RORA: variants seen among roughly 807,000 people sequenced by gnomAD.
RORA encodes RAR related orphan receptor A.
Under a neutral mutation model 69.5 loss-of-function variants are expected in RORA, and 7 were observed. The ratio of observed to expected loss-of-function variants is 0.10; its 90% CI spans 0.06 to 0.19. RORA has a LOEUF of 0.19. Among genes scored for constraint, RORA ranks in the 10% least tolerant of loss-of-function variants. RORA has a pLI of 1.00. For synonymous variants in RORA, 261 were observed against 240.8 expected, an observed-to-expected ratio of 1.08 and a Z score of -0.78; for missense variants, 457 against 663.0, an observed-to-expected ratio of 0.69 and a Z score of 3.41.
At position 60,756,448 on chromosome 15, in the gene RORA, C is replaced by A. The variant is rs1173919267; in HGVS notation, c.167-77762G>T. Among the ~76,000 whole-genome samples the A allele has an allele frequency of 2.0e-5, 3 of 152,166 alleles. No individual in the cohort carries two copies. The East Asian group carries it at 5.8e-4, about 29-fold the overall frequency. On this transcript the variant is annotated intron_variant, in intron 1 of 10. Coordinates refer to ENST00000335670, the MANE Select transcript of RORA (RefSeq NM_134261.3). ...ATTTGAAAAGTTTATAAAGACTGTG[C>A]ATCTGATGATAACTTTATAAATATA...
chr15:61,180,839 CT>C (rs2079678095), intron 1 of RORA, among the ~76,000 whole-genome samples: 1 of 152,120 alleles, frequency 6.6e-6, no homozygotes, highest in Non-Finnish European at 1.5e-5. Flanking sequence ...TGGCTCACAC[CT>C]GTAATCCCAG....
At chr15:60,891,487 A>T (rs912545809) in intron 1 of RORA, among the ~76,000 whole-genome samples, 19 of 152,178 alleles carry the variant, frequency 1.2e-4, no homozygotes, top group Admixed American at 3.3e-4. Context: ...CAGACATGAG[A>T]GGAACAATAT....
At chr15:60,660,605 A>C (rs1164116636) in intron 2 of RORA, among the ~76,000 whole-genome samples, 1 of 152,204 alleles carries the variant, frequency 6.6e-6, no homozygotes, top group Non-Finnish European at 1.5e-5. Context: ...TCAAACTGTC[A>C]ACTCCGACTT....
At chr15:60,539,515 C>T (rs766205470) in intron 2 of RORA, among the ~76,000 whole-genome samples, 68 of 152,208 alleles carry the variant, frequency 4.5e-4, no homozygotes, top group Non-Finnish European at 7.9e-4. Context: ...ATTCTCCTAT[C>T]ACATAGTAGT....
intron 2 of RORA, among the ~76,000 whole-genome samples, chr15:60,664,808 C>T (rs1307737934): frequency 6.6e-6 from 1 of 152,202 alleles, no homozygotes; most frequent in Non-Finnish European, 1.5e-5. Flanking sequence ...ACATCTCATC[C>T]TCTCATTTAT....
intron 2 of RORA, among the ~76,000 whole-genome samples, chr15:60,585,303 A>G (rs1197831853): frequency 6.6e-6 from 1 of 152,248 alleles, no homozygotes; most frequent in African/African-American, 2.4e-5. Context: ...ATCCTAAAAA[A>G]TATGCAAATG....
intron 1 of RORA, among the ~76,000 whole-genome samples, chr15:60,852,566 T>C (rs1419748050): frequency 6.6e-6 from 1 of 152,092 alleles, no homozygotes; most frequent in African/African-American, 2.4e-5. Flanking sequence ...CTTTGACAAG[T>C]AGTGAAAAAA....
intron 1 of RORA, among the ~76,000 whole-genome samples, chr15:60,899,545 C>T (rs1332366480): frequency 6.6e-6 from 1 of 152,216 alleles, no homozygotes; most frequent in Admixed American, 6.5e-5. Flanking sequence ...TTTTTAGCCA[C>T]ACTTCTTTCA....
At position 60,790,269 on chromosome 15, in the gene RORA, G is replaced by A. The variant is rs576282191; in HGVS notation, c.167-111583C>T. Among the ~76,000 whole-genome samples the A allele has an allele frequency of 1.9e-4, 29 of 152,332 alleles. 1 individual carries two copies. In the South Asian group the frequency reaches 5.8e-3, roughly 31 times the overall value. On this transcript the variant is annotated intron_variant, in intron 1 of 10. Coordinates refer to ENST00000335670, the MANE Select transcript of RORA (RefSeq NM_134261.3). The stretch of plus-strand genomic sequence containing the variant: ...AATTTCTCATGTCTGTATAATTGGA[G>A]TGGAGCCTGAGAATTTGTATTTTAA...
At chr15:61,088,263 C>A (rs1235297667) in intron 1 of RORA, among the ~76,000 whole-genome samples, 3 of 152,134 alleles carry the variant, frequency 2.0e-5, no homozygotes, top group Non-Finnish European at 4.4e-5. Context: ...AGGCCATATG[C>A]CTGTACAAAG....
chr15:60,522,684 T>G (rs1369725780), intron 3 of RORA, among the ~76,000 whole-genome samples: 1 of 151,458 alleles, frequency 6.6e-6, no homozygotes, highest in Admixed American at 6.6e-5. Flanking sequence ...GTGGGAAGAT[T>G]GTTGGAGCCA....
At chr15:60,996,410 C>T (rs1164093769) in intron 1 of RORA, among the ~76,000 whole-genome samples, 1 of 152,128 alleles carries the variant, frequency 6.6e-6, no homozygotes, top group African/African-American at 2.4e-5. Flanking sequence ...TGGGTATATA[C>T]GATTGTCAAA....
At chr15:60,679,604 AT>A (rs11290356) in intron 1 of RORA, among the ~76,000 whole-genome samples, 34,431 of 151,682 alleles carry the variant, frequency 0.23, 4,326 homozygotes, top group African/African-American at 0.32. Context: ...AAACCTTGAA[AT>A]TTTTTTTTCT....
intron 2 of RORA, among the ~76,000 whole-genome samples, chr15:60,576,856 A>G (rs926566826): frequency 2.6e-5 from 4 of 152,212 alleles, no homozygotes; most frequent in African/African-American, 9.6e-5. Context: ...ATCTTTCAGG[A>G]GCTGGGATAG....
At chr15:61,206,797 G>A (rs2079946083) in intron 1 of RORA, among the ~76,000 whole-genome samples, 1 of 152,160 alleles carries the variant, frequency 6.6e-6, no homozygotes, top group Admixed American at 6.5e-5. Flanking sequence ...CAGCACACGG[G>A]AGGGTCTGAT....
intron 1 of RORA, among the ~76,000 whole-genome samples, chr15:61,017,376 A>C (rs1895333867): frequency 6.6e-6 from 1 of 152,226 alleles, no homozygotes; most frequent in South Asian, 2.1e-4. Flanking sequence ...ATGCAATGTT[A>C]TCTTTAATGC....
At chr15:60,650,124 CA>C (rs2070118331) in intron 2 of RORA, among the ~76,000 whole-genome samples, 1 of 151,690 alleles carries the variant, frequency 6.6e-6, no homozygotes, top group Admixed American at 6.6e-5. Context: ...TGGGTATCAC[CA>C]ACTTCAGAAT....
intron 2 of RORA, among the ~76,000 whole-genome samples, chr15:60,670,856 GTC>G (rs2140734944): frequency 6.6e-6 from 1 of 151,992 alleles, no homozygotes; most frequent in Non-Finnish European, 1.5e-5. Context: ...AAAATTTAGT[GTC>G]ATCACTGAAA....
chr15:61,071,689 G>T (rs116405667), intron 1 of RORA, among the ~76,000 whole-genome samples: 16,533 of 106,448 alleles, frequency 0.16, 1,581 homozygotes, highest in Non-Finnish European at 0.21. Flanking sequence ...GGGGAGAGGG[G>T]AGGGGAAGAG....
Sources: gnomAD v4.1 joint callset for allele counts (sites outside exome capture counted in the v4.1 genomes callset) on GRCh38, gnomAD v4.1.1 for gene constraint, MANE v1.5 for transcripts, NCBI Gene and HGNC (gene_info 2026-07-23, HGNC 2026-07-21) for gene names.